The following CCDC14 variants were observed in gnomAD, a reference collection of about 807,000 sequenced individuals.
The protein encoded by CCDC14 is coiled-coil domain containing 14.
In CCDC14, 71 loss-of-function variants were observed where a neutral mutation model predicts 81.4. The ratio of observed to expected loss-of-function variants is 0.87; its 90% confidence interval spans 0.72 to 1.06. The LOEUF is 1.06. CCDC14 is among the 50% of genes least tolerant of loss of function. CCDC14 has a pLI of 0.00. For synonymous variants in CCDC14, 332 were observed against 364.8 expected (o/e 0.91, Z 1.03); for missense variants, 1,046 against 1,047.3 (o/e 1.00, Z 0.02).
intron 12 of CCDC14, among the ~76,000 whole-genome samples, chr3:123,916,462 A>ATATGTG: frequency 1.2e-5 from 1 of 81,994 alleles, no homozygotes; most frequent in East Asian, 1.2e-3. Flanking sequence ...TTCATTATAT[A>ATATGTG]TGTGTTTGTG....
rs185852718 is a variant in CCDC14, at chr3:123,955,692, G to C, written c.352+151C>G. On this transcript the variant is annotated intron_variant, in intron 5 of 12. Transcript: ENST00000409697. ...TAGCAAGCAAAGTGGACTACTCAGT[G>C]ATTAGAAGCTGAATACAGAAAGGCA... The C allele has an allele frequency of 2.7e-4, 156 of 584,834 alleles. No homozygotes were observed. In the African/African-American group the frequency reaches 2.7e-3, roughly 10 times the overall value. The allele number at this position is 584,834 out of a possible 1,614,324, so 36.2% of individuals were successfully genotyped here.
the CCDC14 span, among the ~76,000 whole-genome samples, chr3:123,889,919 T>A: frequency 6.6e-6 from 1 of 152,206 alleles, no homozygotes; most frequent in Non-Finnish European, 1.5e-5. Flanking sequence ...TAGTCCATTT[T>A]CAAGCTGTTG....
chr3:123,888,780 A>G, the CCDC14 span, among the ~76,000 whole-genome samples: 1 of 152,104 alleles, frequency 6.6e-6, no homozygotes, highest in Non-Finnish European at 1.5e-5. Context: ...CAAGGGGGAA[A>G]TCCACCCCCA....
chr3:123,939,468 A>ATTTT (rs2071468712), intron 9 of CCDC14, among the ~76,000 whole-genome samples: 1 of 132,472 alleles, frequency 7.5e-6, no homozygotes. Context: ...TTTTTTAGAG[A>ATTTT]TAGGGTCTTG....
chr3:123,889,120 GA>G, the CCDC14 span, among the ~76,000 whole-genome samples: 2 of 152,174 alleles, frequency 1.3e-5, no homozygotes, highest in African/African-American at 4.8e-5. Flanking sequence ...CCAAAAGGGA[GA>G]AATTGCAGCC....
Position 123,914,889 on chromosome 3 carries a change from A to G in CCDC14, c.2608T>C (p.Ser870Pro). The G allele has an allele frequency of 1.2e-6, 2 of 1,613,796 alleles. No homozygotes were observed. The highest frequency in any genetic ancestry group is 1.7e-6 in the Non-Finnish European group (2 of 1,179,770). Residue 870 changes from serine (S) to proline (P), a missense_variant, in exon 13 of 13, where the codon TCA (serine) becomes CCA (proline). Coordinates refer to ENST00000409697, the MANE Select transcript of CCDC14 (RefSeq NM_001366335.1). ...TGTTCATCACGAGAAGTGAACGTTG[A>G]AAACGAAGAGATGCTCCAGTCAGAC... ...LMSDWSISSF[S>P]TFTSRDEQDF...
chr3:123,960,377 A>G (rs2037611708), intron 1 of CCDC14, among the ~76,000 whole-genome samples: 1 of 152,196 alleles, frequency 6.6e-6, no homozygotes, highest in Non-Finnish European at 1.5e-5. Flanking sequence ...TCATACATCT[A>G]CTAGGTAAAA....
rs2036640474 is a variant in CCDC14 at position 123,946,682 on chromosome 3, T to C, written c.1201+121A>G. The C allele has an allele frequency of 3.1e-6, 3 of 980,552 alleles. No homozygotes were observed. In the East Asian group the frequency reaches 7.3e-5, roughly 24 times the overall value. 60.7% of individuals were successfully genotyped at this position (980,552 alleles called of 1,614,324 possible). The stretch of plus-strand genomic sequence containing the variant: ...ATACAATAAGTAGAACTCATTTTCT[T>C]ATTAGCTCAAAACACAGTTCTATGG... On this transcript the variant is annotated intron_variant, in intron 8 of 12. Coordinates refer to ENST00000409697, the MANE Select transcript of CCDC14 (RefSeq NM_001366335.1).
intron 5 of CCDC14, chr3:123,952,703 C>A: frequency 2.2e-6 from 1 of 456,060 alleles, no homozygotes; most frequent in Non-Finnish European, 4.8e-6. Context: ...CACAAAATAG[C>A]AAGATAATGT....
downstream of CCDC14, among the ~76,000 whole-genome samples, chr3:123,911,727 A>G: frequency 6.6e-6 from 1 of 152,118 alleles, no homozygotes; most frequent in East Asian, 1.9e-4. Context: ...CTTTCATTTC[A>G]TTCACTGAGT....
chr3:123,952,931 T>C (rs181168188), intron 5 of CCDC14: 148 of 189,872 alleles, frequency 7.8e-4, no homozygotes, highest in African/African-American at 3.2e-3. Flanking sequence ...ATTTCTAATA[T>C]TGCAACCCTA....
chr3:123,910,993 A>G (rs542089254), downstream of CCDC14, among the ~76,000 whole-genome samples: 180 of 152,292 alleles, frequency 1.2e-3, 1 homozygote, highest in African/African-American at 4.3e-3. Context: ...CAAGGTACAG[A>G]AGTAGTACTG....
rs954780840 is a variant in CCDC14 at position 123,956,035 on chromosome 3, A to G, written c.229+11T>C. On this transcript the variant is annotated intron_variant, in intron 4 of 12. Transcript: ENST00000409697. Reference sequence around the variant, plus strand: ...GATAAGGTGATCAGCAAAGAATTAAAAAAAAAAAACCTGAATCTTCATTTC... The same window carrying G: ...GATAAGGTGATCAGCAAAGAATTAAGAAAAAAAAACCTGAATCTTCATTTC... 5 of 1,537,622 alleles carry G rather than the reference A, an allele frequency of 3.3e-6. No homozygotes were observed. In the African/African-American group the frequency reaches 7.0e-5, roughly 21 times the overall value.
In CCDC14 at chr3:123,914,618, C is replaced by T; in HGVS notation, c.*161G>A. On this transcript the variant is annotated 3_prime_UTR_variant, in exon 13 of 13. Coordinates refer to ENST00000409697, the MANE Select transcript of CCDC14 (RefSeq NM_001366335.1). ...ACTTAAGATGACTTGTTTTTATAAG[C>T]TCCTCAGTGTCAATATATCTCAACA... 7.7e-7 allele frequency: 1 copy of T among 1,293,218 alleles called. No homozygotes were observed. The highest frequency in any genetic ancestry group is 9.8e-7 in the Non-Finnish European group (1 of 1,022,870). The allele number at this position is 1,293,218 out of a possible 1,614,324, so 80.1% of individuals were successfully genotyped here.
downstream of CCDC14, among the ~76,000 whole-genome samples, chr3:123,911,273 AAT>A (rs1490574109): frequency 6.6e-6 from 1 of 152,202 alleles, no homozygotes; most frequent in Non-Finnish European, 1.5e-5. Context: ...CTTTAAATAA[AAT>A]AGTGCCCGGT....
At chr3:123,915,962 A>G (rs1008992419) in intron 12 of CCDC14, among the ~76,000 whole-genome samples, 8 of 151,510 alleles carry the variant, frequency 5.3e-5, no homozygotes, top group East Asian at 1.9e-4. Context: ...ATAGAGGCTC[A>G]GAATTTTTTT....
intron 8 of CCDC14, 100 bp downstream of exon 8, chr3:123,946,703 T>C: frequency 8.3e-7 from 1 of 1,199,644 alleles, no homozygotes; most frequent in Non-Finnish European, 1.2e-6. Flanking sequence ...AACACAGTTC[T>C]ATGGAAAATA....
At chr3:123,930,538 T>C (rs1235239846) in intron 12 of CCDC14, among the ~76,000 whole-genome samples, 3 of 152,212 alleles carry the variant, frequency 2.0e-5, no homozygotes, top group Admixed American at 2.0e-4. Flanking sequence ...GGTAATTTTA[T>C]TTTAGAAAAA....
chr3:123,934,348 G>GT (rs1053160174), intron 9 of CCDC14, among the ~76,000 whole-genome samples: 12 of 137,682 alleles, frequency 8.7e-5, no homozygotes, highest in African/African-American at 2.2e-4. Flanking sequence ...GTGATTTGTT[G>GT]TTTTTTTTCT....
Sources: allele counts gnomAD v4.1 joint callset (sites outside exome capture counted in the v4.1 genomes callset), GRCh38; gene constraint gnomAD v4.1.1; transcripts MANE v1.5; gene names NCBI Gene and HGNC (gene_info 2026-07-23, HGNC 2026-07-21).